Variants in MLLT3 observed in about 807,000 individuals in gnomAD.
MLLT3 encodes the protein protein AF-9.
MLLT3 carries 4 observed loss-of-function variants against 53.2 expected under a neutral mutation model. The ratio of observed to expected loss-of-function variants is 0.08; its 90% CI spans 0.04 to 0.17. The LOEUF is 0.17. Among genes scored for constraint, MLLT3 ranks in the 10% least tolerant of loss-of-function variants. MLLT3 has a pLI of 1.00. For synonymous variants in MLLT3, 283 were observed against 230.6 expected (o/e 1.23, Z -2.06); for missense variants, 569 against 684.0 (o/e 0.83, Z 1.87).
chr9:20,463,831 A>G (rs1824170649), intron 2 of MLLT3, among the ~76,000 whole-genome samples: 1 of 152,146 alleles, frequency 6.6e-6, no homozygotes, highest in African/African-American at 2.4e-5. Flanking sequence ...AAATATTCAT[A>G]TTTCAGAAAG....
At position 20,353,537 on chromosome 9, in the gene MLLT3, G is replaced by A. The variant is rs760824108; in HGVS notation, c.1563C>T (p.His521=). The part of the protein sequence containing the change: ...HRRLMTLRER[H]ILQQIVNLIE... ...AAGCATTTCTCACCTGCTGCAGAATGTGTCTTTCTCTCAATGTCATTAACC... is the reference window on the plus strand; with the variant it reads ...AAGCATTTCTCACCTGCTGCAGAATATGTCTTTCTCTCAATGTCATTAACC... The change falls in exon 10 of 11, where the codon CAC becomes CAT. Residue 521 remains histidine, a synonymous_variant. Transcript: ENST00000380338. 1.1e-5 allele frequency: 17 copies of A among 1,613,776 alleles called. No homozygotes were observed. The highest frequency in any genetic ancestry group is 4.0e-5 in the African/African-American group (3 of 74,940).
At chr9:20,411,643 CTACTG>C (rs1373106236) in intron 5 of MLLT3, among the ~76,000 whole-genome samples, 1 of 152,094 alleles carries the variant, frequency 6.6e-6, no homozygotes, top group Non-Finnish European at 1.5e-5. Context: ...AATTTACTAC[CTACTG>C]TAAAGTTTTC....
rs1380095013 is a variant in MLLT3 at position 20,375,594 on chromosome 9, TTTTTTTTTTTCTTTTC to T, written c.1126-9866_1126-9851del. Among the ~76,000 whole-genome samples the T allele has an allele frequency of 5.4e-3, 738 of 136,372 alleles. 24 individuals carry two copies. The highest frequency in any genetic ancestry group is 0.025 in the African/African-American group (698 of 27,682). 89.5% of individuals were successfully genotyped at this position (136,372 alleles called of 152,430 possible). A position where few individuals can be genotyped will look rare whatever the true frequency, so the allele number is the denominator to read the frequency against. On this transcript the variant is annotated intron_variant, in intron 5 of 10. Coordinates refer to ENST00000380338, the MANE Select transcript of MLLT3 (RefSeq NM_004529.4). The stretch of plus-strand genomic sequence containing the variant: ...TAGGAACCTTGTTATTTCAGTAATT[TTTTTTTTTTTCTTTTC>T]TTTTTTTTTTTTTTTGAGACAGAGT...
At chr9:20,506,657 A>G (rs1825388090) in intron 2 of MLLT3, among the ~76,000 whole-genome samples, 2 of 152,138 alleles carry the variant, frequency 1.3e-5, no homozygotes, top group Non-Finnish European at 2.9e-5. Flanking sequence ...GGCACACATA[A>G]ATAGGTTATT....
intron 2 of MLLT3, among the ~76,000 whole-genome samples, chr9:20,587,633 T>C (rs1239680544): frequency 6.6e-6 from 1 of 152,266 alleles, no homozygotes; most frequent in African/African-American, 2.4e-5. Context: ...GCTGCATAAA[T>C]GTCTTCTTTT....
intron 2 of MLLT3, among the ~76,000 whole-genome samples, chr9:20,542,132 C>G (rs1250455126): frequency 6.6e-6 from 1 of 152,036 alleles, no homozygotes; most frequent in Non-Finnish European, 1.5e-5. Context: ...GACCCATGAG[C>G]TGTAGAATGG....
At chr9:20,443,403 A>T (rs556187844) in intron 4 of MLLT3, among the ~76,000 whole-genome samples, 2 of 152,322 alleles carry the variant, frequency 1.3e-5, no homozygotes, top group East Asian at 3.9e-4. Flanking sequence ...ATCCGCTAAA[A>T]ATTCAGAATT....
chr9:20,559,761 C>A lies in MLLT3; in HGVS notation c.193+60893G>T, dbSNP rs377037234. ...CTGTTATCACCACTGCCTGAGAGAG[C>A]ATAAAATACATATTTTATGGAATAG... On this transcript the variant is annotated intron_variant, in intron 2 of 10. Transcript: ENST00000380338. 1.2e-4 allele frequency among the ~76,000 whole-genome samples: 19 copies of A among 152,166 alleles called. No homozygotes were observed. The East Asian group carries it at 3.3e-3, about 26-fold the overall frequency.
intron 2 of MLLT3, among the ~76,000 whole-genome samples, chr9:20,548,558 G>T (rs1818846912): frequency 6.6e-6 from 1 of 152,116 alleles, no homozygotes; most frequent in South Asian, 2.1e-4. Context: ...AAACACCAAG[G>T]GTAAAACCTG....
chr9:20,574,305 C>A (rs887158580), intron 2 of MLLT3, among the ~76,000 whole-genome samples: 2 of 152,194 alleles, frequency 1.3e-5, no homozygotes, highest in Non-Finnish European at 1.5e-5. Context: ...CCTAATTCCA[C>A]TGTCTGAATT....
intron 2 of MLLT3, among the ~76,000 whole-genome samples, chr9:20,479,973 G>C (rs1269375302): frequency 1.3e-5 from 2 of 152,174 alleles, no homozygotes; most frequent in African/African-American, 4.8e-5. Flanking sequence ...GCAACAGAGA[G>C]TTCCCATGAT....
chr9:20,456,899 C>A, intron 2 of MLLT3, 113 bp from the exon 3 acceptor site: 2 of 720,462 alleles, frequency 2.8e-6, no homozygotes, highest in Non-Finnish European at 2.2e-6. Context: ...ATTTTCATAG[C>A]CCCTTGCCAA....
intron 2 of MLLT3, among the ~76,000 whole-genome samples, chr9:20,548,509 T>C (rs1192358334): frequency 1.3e-5 from 2 of 152,210 alleles, no homozygotes; most frequent in African/African-American, 4.8e-5. Flanking sequence ...TTGGAGTACA[T>C]ACAGTAAATG....
chr9:20,471,716 T>C (rs952363935), intron 2 of MLLT3, among the ~76,000 whole-genome samples: 2 of 152,092 alleles, frequency 1.3e-5, no homozygotes, highest in African/African-American at 4.8e-5. Flanking sequence ...CAGTTACGCT[T>C]ACTTCCACTA....
At chr9:20,614,195 G>GACCA (rs1048711637) in intron 2 of MLLT3, among the ~76,000 whole-genome samples, 17 of 152,296 alleles carry the variant, frequency 1.1e-4, no homozygotes, top group African/African-American at 4.1e-4. Context: ...AGGAGTTTGA[G>GACCA]ACCAGCCTGG....
At chr9:20,378,874 C>T (rs2118689771) in intron 5 of MLLT3, among the ~76,000 whole-genome samples, 1 of 152,140 alleles carries the variant, frequency 6.6e-6, no homozygotes, top group South Asian at 2.1e-4. Flanking sequence ...GTTGTGTTCT[C>T]AATGTAGCCC....
intron 5 of MLLT3, among the ~76,000 whole-genome samples, chr9:20,412,657 C>G (rs1372618515): frequency 6.6e-6 from 1 of 152,092 alleles, no homozygotes; most frequent in Non-Finnish European, 1.5e-5. Flanking sequence ...TCTAAGATTG[C>G]CAGTTATTTT....
intron 8 of MLLT3, among the ~76,000 whole-genome samples, chr9:20,355,443 G>A (rs1821148212): frequency 6.6e-6 from 1 of 152,106 alleles, no homozygotes; most frequent in Non-Finnish European, 1.5e-5. Context: ...GTTTACCCTT[G>A]GTAAAACGCC....
At chr9:20,595,865 GT>G (rs1405781471) in intron 2 of MLLT3, among the ~76,000 whole-genome samples, 2 of 152,196 alleles carry the variant, frequency 1.3e-5, no homozygotes, top group Non-Finnish European at 2.9e-5. Flanking sequence ...CGGGAAATCT[GT>G]TACCATTTCT....
Sources: gnomAD v4.1 joint callset for allele counts (sites outside exome capture counted in the v4.1 genomes callset) on GRCh38, gnomAD v4.1.1 for gene constraint, MANE v1.5 for transcripts, NCBI Gene and HGNC (gene_info 2026-07-23, HGNC 2026-07-21) for gene names.